Variants in GRID2 observed in about 807,000 individuals in gnomAD.
The protein encoded by GRID2 is glutamate ionotropic receptor delta type subunit 2, also known as glutamate receptor ionotropic, delta-2.
GRID2 carries 33 observed loss-of-function variants against 114.8 expected under a neutral mutation model. The observed-to-expected ratio is 0.29, with a 90% CI of 0.22 to 0.38. The LOEUF is 0.38. Among genes scored for constraint, GRID2 ranks in the 10% least tolerant of loss-of-function variants. The pLI is 1.00. For synonymous variants in GRID2, 505 were observed against 449.9 expected, an observed-to-expected ratio of 1.12 and a Z score of -1.55; for missense variants, 1,184 against 1,257.7, an observed-to-expected ratio of 0.94 and a Z score of 0.89.
chr4:93,513,661 G>A (rs1216035495), intron 12 of GRID2, among the ~76,000 whole-genome samples: 1 of 152,316 alleles, frequency 6.6e-6, no homozygotes, highest in South Asian at 2.1e-4. Context: ...TTATGCAACA[G>A]ATGTGTAGAG....
At chr4:93,249,970 T>C (rs1178419603) in intron 8 of GRID2, among the ~76,000 whole-genome samples, 1 of 152,118 alleles carries the variant, frequency 6.6e-6, no homozygotes, top group Non-Finnish European at 1.5e-5. Flanking sequence ...AGAAATACCA[T>C]TTGACCCAGC....
chr4:92,919,793 A>C (rs1472549278), intron 2 of GRID2, among the ~76,000 whole-genome samples: 3 of 152,156 alleles, frequency 2.0e-5, no homozygotes, highest in Non-Finnish European at 4.4e-5. Flanking sequence ...ATTTTGGAAT[A>C]GGTGTGGTGT....
At chr4:93,029,328 T>C (rs1349839523) in intron 2 of GRID2, among the ~76,000 whole-genome samples, 1 of 152,136 alleles carries the variant, frequency 6.6e-6, no homozygotes, top group Non-Finnish European at 1.5e-5. Context: ...TATATTTCTT[T>C]ACCAACATTT....
intron 4 of GRID2, among the ~76,000 whole-genome samples, chr4:93,149,234 CACAAGGGAACCTAGG>C (rs1736521422): frequency 6.6e-6 from 1 of 152,096 alleles, no homozygotes; most frequent in Non-Finnish European, 1.5e-5. Context: ...GCTAACCAGC[CACAAGGGAACCTAGG>C]ACAACAAGGA....
intron 2 of GRID2, among the ~76,000 whole-genome samples, chr4:93,017,753 C>T (rs1722890283): frequency 6.7e-6 from 1 of 150,090 alleles, no homozygotes; most frequent in Admixed American, 6.7e-5. Context: ...CAAGATTGCA[C>T]CACTGCACTC....
At chr4:92,662,676 C>G (rs1732579707) in intron 2 of GRID2, among the ~76,000 whole-genome samples, 1 of 150,964 alleles carries the variant, frequency 6.6e-6, no homozygotes, top group Non-Finnish European at 1.5e-5. Context: ...TGAAACAGAG[C>G]ATACAAACTG....
intron 6 of GRID2, among the ~76,000 whole-genome samples, chr4:93,223,626 A>T (rs1745145910): frequency 6.6e-6 from 1 of 152,150 alleles, no homozygotes; most frequent in Non-Finnish European, 1.5e-5. Context: ...AATCTGAAAA[A>T]CACAAATGCT....
chr4:92,733,424 T>C (rs1303410537), intron 2 of GRID2, among the ~76,000 whole-genome samples: 1 of 152,066 alleles, frequency 6.6e-6, no homozygotes, highest in African/African-American at 2.4e-5. Flanking sequence ...TTCTATTCAG[T>C]GACCTCTCCC....
intron 4 of GRID2, among the ~76,000 whole-genome samples, chr4:93,181,200 A>C (rs1488780489): frequency 6.6e-6 from 1 of 152,188 alleles, no homozygotes; most frequent in Non-Finnish European, 1.5e-5. Context: ...CTCCTTGTAC[A>C]TCTCCATCAG....
intron 1 of GRID2, among the ~76,000 whole-genome samples, chr4:93,802,634 T>C (rs910690116): frequency 6.6e-5 from 10 of 152,236 alleles, no homozygotes; most frequent in Admixed American, 5.9e-4. Context: ...CTGCCGTATC[T>C]ATATTGCACC....
chr4:93,390,340 G>T (rs115965444), intron 8 of GRID2, among the ~76,000 whole-genome samples: 1 of 152,028 alleles, frequency 6.6e-6, no homozygotes, highest in African/African-American at 2.4e-5. Context: ...TAAGTCACCC[G>T]AAAAATGAGA....
intron 9 of GRID2, among the ~76,000 whole-genome samples, chr4:93,418,058 A>G (rs1056369472): frequency 6.6e-6 from 1 of 151,130 alleles, no homozygotes; most frequent in East Asian, 1.9e-4. Context: ...ATTAACTTGT[A>G]TATAAGTAGC....
chr4:93,069,389 T>C (rs1728609989), intron 2 of GRID2, among the ~76,000 whole-genome samples: 1 of 151,702 alleles, frequency 6.6e-6, no homozygotes, highest in Non-Finnish European at 1.5e-5. Context: ...CCTTACACAG[T>C]GGGGGGAAAA....
chr4:93,029,703 G>GT lies in GRID2; in HGVS notation c.245-55284dup, dbSNP rs547638448. ...GTAACAAAATATACAATAGCATCAG[G>GT]TTTTTTTTAATATTTAATGAAGTCT... On this transcript the variant is annotated intron_variant, in intron 2 of 15. Coordinates refer to ENST00000282020, the MANE Select transcript of GRID2 (RefSeq NM_001510.4). Among the ~76,000 whole-genome samples the GT allele has an allele frequency of 1.4e-4, 22 of 151,870 alleles. No individual in the cohort carries two copies. The South Asian group carries it at 1.7e-3, about 12-fold the overall frequency.
In GRID2 at chr4:93,064,011, A is replaced by G. The variant is rs564737794; in HGVS notation, c.245-20984A>G. ...AGAAATATATGTATGTGTATATATTATATTTAATAATATTCCATGTTTAAC... is the reference window on the plus strand; with the variant it reads ...AGAAATATATGTATGTGTATATATTGTATTTAATAATATTCCATGTTTAAC... On this transcript the variant is annotated intron_variant, in intron 2 of 15. Transcript: ENST00000282020. Among the ~76,000 whole-genome samples the G allele has an allele frequency of 9.1e-4, 136 of 148,956 alleles. No homozygotes were observed. The South Asian group carries it at 0.028, about 31-fold the overall frequency.
At chr4:93,428,252 A>G (rs1299874254) in intron 10 of GRID2, among the ~76,000 whole-genome samples, 6 of 152,124 alleles carry the variant, frequency 3.9e-5, no homozygotes, top group Admixed American at 3.3e-4. Context: ...CCTTTTTCAT[A>G]TATTAATTTG....
chr4:92,573,181 T>C (rs2149194713), intron 1 of GRID2, among the ~76,000 whole-genome samples: 1 of 152,272 alleles, frequency 6.6e-6, no homozygotes, highest in Non-Finnish European at 1.5e-5. Context: ...TCCCTTATCA[T>C]TTCTGATTGC....
chr4:93,059,289 G>T (rs1282869205), intron 2 of GRID2, among the ~76,000 whole-genome samples: 3 of 152,106 alleles, frequency 2.0e-5, no homozygotes, highest in African/African-American at 7.2e-5. Flanking sequence ...AGTCTGAAAT[G>T]AGAAATTCAA....
chr4:93,038,713 C>T (rs1251736261), intron 2 of GRID2, among the ~76,000 whole-genome samples: 4 of 152,040 alleles, frequency 2.6e-5, no homozygotes, highest in Non-Finnish European at 5.9e-5. Context: ...ATGGCGTGAA[C>T]CCAGGAGGCG....
Sources: allele counts gnomAD v4.1 joint callset (sites outside exome capture counted in the v4.1 genomes callset), GRCh38; gene constraint gnomAD v4.1.1; transcripts MANE v1.5; gene names NCBI Gene and HGNC (gene_info 2026-07-23, HGNC 2026-07-21).